The following DNAH3 variants were observed in gnomAD, a reference collection of about 807,000 sequenced individuals.
DNAH3 encodes dynein axonemal heavy chain 3.
In DNAH3, 332 loss-of-function variants were observed where a neutral mutation model predicts 432.5. That is an observed-to-expected ratio of 0.77 (90% CI 0.70 to 0.84). The LOEUF (loss-of-function observed/expected upper bound fraction) is 0.84, where lower values mean the gene tolerates loss of function less well. Ranked by LOEUF, DNAH3 falls within the 40% of genes least tolerant of loss-of-function variation. The pLI is 0.00. For missense variants in DNAH3, 4,861 were observed against 5,114.0 expected, an observed-to-expected ratio of 0.95 and a Z score of 1.51; for synonymous variants, 1,956 against 1,900.2, an observed-to-expected ratio of 1.03 and a Z score of -0.76.
At chr16:21,060,283 C>G in exon 26 of DNAH3, 3 of 1,614,056 alleles carry the variant, frequency 1.9e-6, no homozygotes, top group Non-Finnish European at 1.7e-6. Flanking sequence ...TGCTTCAATC[C>G]CAAGTCCAAT....
chr16:20,988,504 T>G (rs1402310600), intron 44 of DNAH3, among the ~76,000 whole-genome samples: 1 of 152,184 alleles, frequency 6.6e-6, no homozygotes, highest in Admixed American at 6.5e-5. Context: ...AACCTCCGCC[T>G]CCCGGGCTCA....
chr16:21,076,931 T>C (rs1264878191), intron 20 of DNAH3, among the ~76,000 whole-genome samples: 2 of 152,098 alleles, frequency 1.3e-5, no homozygotes, highest in Non-Finnish European at 2.9e-5. Context: ...CCGTACCTTC[T>C]AGGGTGTTGA....
exon 53 of DNAH3, chr16:20,964,905 A>T (rs141490455): frequency 1.2e-6 from 2 of 1,614,208 alleles, no homozygotes; most frequent in Non-Finnish European, 1.7e-6. Context: ...CAGTCAGATT[A>T]GTATAGCGGA....
At chr16:21,127,098 C>T (rs112259764) in intron 8 of DNAH3, among the ~76,000 whole-genome samples, 2,761 of 152,136 alleles carry the variant, frequency 0.018, 91 homozygotes, top group African/African-American at 0.062. Context: ...CTGTCTTCCA[C>T]AAAACCAGTC....
At chr16:20,946,643 T>G (rs570193025) in intron 57 of DNAH3, among the ~76,000 whole-genome samples, 1 of 152,116 alleles carries the variant, frequency 6.6e-6, no homozygotes, top group Non-Finnish European at 1.5e-5. Flanking sequence ...TTTTCATCCA[T>G]GGTTCCTGGC....
intron 52 of DNAH3, among the ~76,000 whole-genome samples, chr16:20,966,907 C>T (rs561037814): frequency 2.4e-4 from 37 of 152,240 alleles, no homozygotes; most frequent in African/African-American, 8.7e-4. Flanking sequence ...AAAGCCAGGC[C>T]GTTATTCCCC....
chr16:21,002,691 C>T (rs1036332241), intron 42 of DNAH3, among the ~76,000 whole-genome samples: 4 of 152,094 alleles, frequency 2.6e-5, no homozygotes, highest in Non-Finnish European at 4.4e-5. Context: ...GCACTCCTGA[C>T]CTCAGGTGAT....
At chr16:21,005,681 ATT>A (rs150056370) in intron 41 of DNAH3, among the ~76,000 whole-genome samples, 33 of 145,754 alleles carry the variant, frequency 2.3e-4, no homozygotes, top group Middle Eastern at 3.5e-3. Context: ...GCCCAGCCTC[ATT>A]TTTTTTTTTT....
At chr16:21,150,291 T>A (rs778892499) in intron 1 of DNAH3, 6 of 455,130 alleles carry the variant, frequency 1.3e-5, no homozygotes, top group Non-Finnish European at 2.2e-5. Flanking sequence ...CACACCTACC[T>A]TCTGAGATGA....
rs1181495111 is a variant in DNAH3 at position 21,141,517 on chromosome 16, C to T, written c.449-145G>A. The T allele has an allele frequency of 9.8e-6, 6 of 611,170 alleles. No individual in the cohort carries two copies. The East Asian group carries it at 1.7e-4, about 18-fold the overall frequency. 37.9% of individuals were successfully genotyped at this position (611,170 alleles called of 1,614,324 possible). On this transcript the variant is annotated intron_variant, in intron 3 of 61. Transcript: ENST00000261383. ...GGTGTGACGTGGCAGGAGATGTGGG[C>T]TCAGGTCTCATGTGCATCACTGATT... is the stretch of plus-strand genomic sequence containing the variant.
chr16:21,118,443 AT>A (rs543166711), intron 11 of DNAH3, among the ~76,000 whole-genome samples: 1 of 148,266 alleles, frequency 6.7e-6, no homozygotes, highest in Non-Finnish European at 1.5e-5. Flanking sequence ...TTATTTATTT[AT>A]TTTTTTAAAG....
chr16:20,991,033 C>A (rs1339565620), intron 44 of DNAH3, among the ~76,000 whole-genome samples: 2 of 151,866 alleles, frequency 1.3e-5, no homozygotes, highest in African/African-American at 4.8e-5. Flanking sequence ...AACAAACAAA[C>A]AAAAAACAAA....
exon 11 of DNAH3, chr16:21,120,801 T>C: frequency 6.2e-7 from 1 of 1,614,178 alleles, no homozygotes; most frequent in Non-Finnish European, 8.5e-7. Flanking sequence ...CTTTCACACA[T>C]TGCCGATCAG....
exon 37 of DNAH3, chr16:21,031,236 C>A (rs565132081): frequency 3.7e-6 from 6 of 1,613,980 alleles, no homozygotes; most frequent in Non-Finnish European, 5.1e-6. Context: ...ATCGTGATAG[C>A]CTTGGGGTTG....
chr16:20,963,669 G>T, exon 53 of DNAH3: 1 of 1,614,032 alleles, frequency 6.2e-7, no homozygotes, highest in Non-Finnish European at 8.5e-7. Context: ...TGGGGTAGGG[G>T]TTATCCAGTG....
intron 53 of DNAH3, among the ~76,000 whole-genome samples, chr16:20,959,636 CA>C (rs2084728001): frequency 1.3e-5 from 2 of 151,354 alleles, no homozygotes; most frequent in Non-Finnish European, 1.5e-5. Flanking sequence ...CACACACACA[CA>C]CACACACACA....
intron 11 of DNAH3, among the ~76,000 whole-genome samples, chr16:21,118,582 G>A (rs1284028144): frequency 2.0e-5 from 3 of 152,168 alleles, no homozygotes; most frequent in African/African-American, 7.2e-5. Context: ...ACAGGTGCCT[G>A]CGACCATGCC....
chr16:20,954,210 G>A (rs1285151564), intron 55 of DNAH3, among the ~76,000 whole-genome samples: 45 of 96,344 alleles, frequency 4.7e-4, no homozygotes, highest in African/African-American at 1.8e-3. Flanking sequence ...GTGACAGAGT[G>A]AGACCCTATC....
At chr16:21,029,885 C>A (rs1399627622) in intron 37 of DNAH3, among the ~76,000 whole-genome samples, 1 of 152,130 alleles carries the variant, frequency 6.6e-6, no homozygotes, top group Non-Finnish European at 1.5e-5. Context: ...AGCACAGTGG[C>A]ACAATGAAGG....
Sources: allele counts gnomAD v4.1 joint callset (sites outside exome capture counted in the v4.1 genomes callset), GRCh38; gene constraint gnomAD v4.1.1; transcripts MANE v1.5; gene names NCBI Gene and HGNC (gene_info 2026-07-23, HGNC 2026-07-21).